The following PKHD1L1 variants were observed in gnomAD, a reference collection of about 807,000 sequenced individuals.
The protein encoded by PKHD1L1 is fibrocystin-L.
A neutral mutation model predicts 462.9 loss-of-function variants in PKHD1L1; 434 were observed. The observed-to-expected ratio is 0.94, with a 90% CI of 0.87 to 1.02. The LOEUF is 1.02. PKHD1L1 is among the 50% of genes least tolerant of loss of function. PKHD1L1 has a pLI of 0.00. For missense variants in PKHD1L1, 5,202 were observed against 5,096.1 expected (o/e 1.02, Z -0.63); for synonymous variants, 1,781 against 1,750.0 (o/e 1.02, Z -0.44).
rs1191954996 is a variant in PKHD1L1 at position 109,435,330 on chromosome 8, T to G, written c.3481T>G (p.Trp1161Gly). Residue 1161 changes from tryptophan (W) to glycine (G), a missense_variant, in exon 29 of 78, where the codon TGG becomes GGG. Trp to Gly is a radical substitution (Grantham distance 184, BLOSUM62 -2). Around this residue, in one of 3 missense-constraint regions of PKHD1L1, gnomAD observed 4,497 missense variants for 4,336.8 expected, o/e 1.04. Transcript: ENST00000378402. ...FVYQSQISHI[W>G]PDSGSIAGGT... ...TTATCAGAGTCAGATCTCACATATC[T>G]GGCCTGATTCTGGAAGCATAGCAGG... 6.2e-7 allele frequency: 1 copy of G among 1,612,780 alleles called. No homozygotes were observed. Among genetic ancestry groups the G allele is most frequent in the Admixed American group, 1.7e-5 (1 of 59,870 alleles).
At chr8:109,473,358 C>T (rs951064565) in intron 50 of PKHD1L1, among the ~76,000 whole-genome samples, 7 of 151,518 alleles carry the variant, frequency 4.6e-5, no homozygotes, top group African/African-American at 1.7e-4. Context: ...ACTAAAACTA[C>T]CAGAAAAATT....
chr8:109,506,363 A>G (rs1819692424), intron 68 of PKHD1L1, among the ~76,000 whole-genome samples: 1 of 152,164 alleles, frequency 6.6e-6, no homozygotes. Flanking sequence ...TGACTGACTG[A>G]TTCAGGAGTA....
rs745487420 is a variant in PKHD1L1, at chr8:109,385,659, T to C, written c.569+29T>C. 8.7e-6 allele frequency: 12 copies of C among 1,376,968 alleles called. No individual in the cohort carries two copies. The Admixed American group carries it at 1.3e-4, about 15-fold the overall frequency. 85.3% of individuals were successfully genotyped at this position (1,376,968 alleles called of 1,614,324 possible). A position where few individuals can be genotyped will look rare whatever the true frequency, so the allele number is the denominator to read the frequency against. ...ATCTTTTGATGTGGAAATATATTCT[T>C]ATAACTCATAAATGAGAAGTAATAT... is the stretch of plus-strand genomic sequence containing the variant. On this transcript the variant is annotated intron_variant, in intron 6 of 77. Transcript: ENST00000378402.
chr8:109,494,940 G>A (rs953361172), intron 63 of PKHD1L1, among the ~76,000 whole-genome samples: 1 of 151,870 alleles, frequency 6.6e-6, no homozygotes, highest in African/African-American at 2.4e-5. Context: ...TTTGAGAAAT[G>A]TATGTCCCTT....
rs376721193 is a variant in PKHD1L1 at position 109,421,709 on chromosome 8, G to A, written c.2697+1019G>A. Among the ~76,000 whole-genome samples the A allele has an allele frequency of 1.6e-3, 236 of 152,248 alleles. 1 individual carries two copies. Among genetic ancestry groups the A allele is most frequent in the South Asian group, 7.3e-3 (35 of 4,824 alleles). ...TGAGGCAGGAGAATGGCGTGAACCC[G>A]GGAGGCGGAGCTTGCAGTGAGCGGA... On this transcript the variant is annotated intron_variant, in intron 23 of 77. Transcript: ENST00000378402.
In PKHD1L1 at chr8:109,420,512, C is replaced by A. The variant is rs778910537; in HGVS notation, c.2525-6C>A. 6.5e-7 allele frequency: 1 copy of A among 1,535,690 alleles called. No homozygotes were observed. On this transcript the variant is annotated splice_polypyrimidine_tract_variant and splice_region_variant and intron_variant, in intron 22 of 77. Coordinates refer to ENST00000378402, the MANE Select transcript of PKHD1L1 (RefSeq NM_177531.6). ...CCAACCTAATATTTTTATTTATATT[C>A]TTTAGAAATGCCCAAGAGAAGACTT...
chr8:109,500,363 G>T (rs779721812), intron 67 of PKHD1L1, among the ~76,000 whole-genome samples: 1 of 151,152 alleles, frequency 6.6e-6, no homozygotes, highest in Non-Finnish European at 1.5e-5. Context: ...TGGTAGAATG[G>T]CTCAGACCCT....
Position 109,533,193 on chromosome 8 carries a change from G to A in PKHD1L1, c.*3103G>A, listed in dbSNP as rs898057057. Among the ~76,000 whole-genome samples, 2 of 152,164 alleles carry A rather than the reference G, an allele frequency of 1.3e-5. No homozygotes were observed. The highest frequency in any genetic ancestry group is 2.4e-5 in the African/African-American group (1 of 41,426). On this transcript the variant is annotated 3_prime_UTR_variant, in exon 78 of 78. Coordinates refer to ENST00000378402, the MANE Select transcript of PKHD1L1 (RefSeq NM_177531.6). ...ATCCAAATTCCTGTTCAAATTCTTG[G>A]TTTCTACTTTACCACTTCTATGCCC...
chr8:109,419,413 G>A (rs1363007653), intron 22 of PKHD1L1, among the ~76,000 whole-genome samples, 153 bp downstream of exon 22: 2 of 152,034 alleles, frequency 1.3e-5, no homozygotes, highest in Non-Finnish European at 2.9e-5. Flanking sequence ...ATTTTATTTT[G>A]TAATGAATAG....
chr8:109,480,958 A>G (rs1229391393), intron 55 of PKHD1L1, among the ~76,000 whole-genome samples: 1 of 151,936 alleles, frequency 6.6e-6, no homozygotes, highest in Non-Finnish European at 1.5e-5. Flanking sequence ...GGATAATAAT[A>G]CTAATTCATG....
At chr8:109,414,976 T>C (rs879265946) in intron 21 of PKHD1L1, among the ~76,000 whole-genome samples, 6,221 of 99,572 alleles carry the variant, frequency 0.062, 307 homozygotes, top group Admixed American at 0.19. Flanking sequence ...TTATTATTAT[T>C]ATTATTATTA....
At chr8:109,511,617 C>T (rs1819988161) in intron 71 of PKHD1L1, among the ~76,000 whole-genome samples, 1 of 151,868 alleles carries the variant, frequency 6.6e-6, no homozygotes, top group Non-Finnish European at 1.5e-5. Flanking sequence ...GGGTTGGTTC[C>T]AAGTCTTTGC....
At chr8:109,438,583 G>T in intron 31 of PKHD1L1, 127 bp downstream of exon 31, 1 of 802,176 alleles carries the variant, frequency 1.2e-6, no homozygotes. Context: ...AGTGTTATGT[G>T]TGTGTATGTT....
At position 109,438,409 on chromosome 8, in the gene PKHD1L1, A is replaced by T; in HGVS notation, c.3713A>T (p.Gln1238Leu). ...ARDAFSYNCL[Q>L]TPIITDFSPK... ...GATGCTTTTAGTTATAATTGTTTAC[A>T]GACACCAATTATAACTGATTTTAGT... is the stretch of plus-strand genomic sequence containing the variant. The change falls in exon 31 of 78, where the codon CAG becomes CTG. Residue 1238 changes from glutamine to leucine, a missense_variant. By Grantham distance (113) the Gln-to-Leu change is moderately radical. This residue lies in a region of PKHD1L1 where 4,497 missense variants were observed against 4,336.8 expected (regional missense o/e 1.04). Transcript: ENST00000378402. 6.5e-7 allele frequency: 1 copy of T among 1,539,772 alleles called. No homozygotes were observed. Among genetic ancestry groups the T allele is most frequent in the Non-Finnish European group, 8.8e-7 (1 of 1,138,794 alleles).
In PKHD1L1 at chr8:109,420,647, A is replaced by G; in HGVS notation, c.2654A>G (p.Asn885Ser). The G allele has an allele frequency of 6.2e-7, 1 of 1,605,924 alleles. No homozygotes were observed. Among genetic ancestry groups the G allele is most frequent in the South Asian group, 1.1e-5 (1 of 89,720 alleles). Residue 885 changes from asparagine (N) to serine (S), a missense_variant, in exon 23 of 78, where the codon AAT (asparagine) becomes AGT (serine). By Grantham distance (46) the Asn-to-Ser change is conservative. This residue lies in a region of PKHD1L1 where 4,497 missense variants were observed against 4,336.8 expected (regional missense o/e 1.04). Transcript: ENST00000378402. ...NQYSVTMTSY[N>S]CSYNIPMMAV... ...TATTCTGTTACCATGACTTCATACA[A>G]TTGCAGTTACAATATACCCATGATG...
Position 109,406,459 on chromosome 8 carries a change from A to T in PKHD1L1, c.1794A>T (p.Val598=). ...ATCCCCAGAGCTATGTCTACATGGT[A>T]ACATTCATATCAACTAGAGGTAAGC... ...TQNPQSYVYM[V]TFISTRGDFD... is the part of the protein sequence containing the mutation. The change falls in exon 17 of 78, where the codon GTA becomes GTT. Residue 598 remains valine (V), a synonymous_variant. Transcript: ENST00000378402. 6.2e-7 allele frequency: 1 copy of T among 1,602,536 alleles called. No homozygotes were observed. The highest frequency in any genetic ancestry group is 1.3e-5 in the African/African-American group (1 of 74,832).
At chr8:109,478,993 T>TTTGTTG (rs1282483641) in intron 53 of PKHD1L1, among the ~76,000 whole-genome samples, 1 of 152,108 alleles carries the variant, frequency 6.6e-6, no homozygotes, top group Non-Finnish European at 1.5e-5. Flanking sequence ...TTTAGAGGGC[T>TTTGTTG]TTGTTGATCG....
chr8:109,392,492 C>A (rs531717068), intron 9 of PKHD1L1, among the ~76,000 whole-genome samples: 3 of 151,834 alleles, frequency 2.0e-5, no homozygotes, highest in Admixed American at 1.3e-4. Flanking sequence ...TATAATTCCA[C>A]CCCCCACCCA....
intron 68 of PKHD1L1, among the ~76,000 whole-genome samples, chr8:109,504,887 A>C (rs574329743): frequency 6.6e-6 from 1 of 152,148 alleles, no homozygotes; most frequent in South Asian, 2.1e-4. Context: ...CAGGAGTTTG[A>C]GGACATCCTG....
Sources: gnomAD v4.1 joint callset for allele counts (sites outside exome capture counted in the v4.1 genomes callset) on GRCh38, gnomAD v4.1.1 for gene constraint, gnomAD v4.1.1 regional missense constraint, MANE v1.5 for transcripts, NCBI Gene and HGNC (gene_info 2026-07-23, HGNC 2026-07-21) for gene names.